Variants in LOC128706666 observed in about 807,000 individuals in gnomAD.
the LOC128706666 span, among the ~76,000 whole-genome samples, chr20:10,414,185 T>TTACA: frequency 6.6e-6 from 1 of 152,048 alleles, no homozygotes; most frequent in Admixed American, 6.6e-5. Flanking sequence ...GCTAGAAAGC[T>TTACA]TACAGCACAG....
At chr20:10,422,726 T>TG in the LOC128706666 span, among the ~76,000 whole-genome samples, 1 of 151,810 alleles carries the variant, frequency 6.6e-6, no homozygotes, top group African/African-American at 2.4e-5. Flanking sequence ...TTTTTTTTTT[T>TG]TGTGAGACAG....
At chr20:10,427,455 T>C in the LOC128706666 span, among the ~76,000 whole-genome samples, 11 of 152,382 alleles carry the variant, frequency 7.2e-5, no homozygotes, top group Admixed American at 7.2e-4. Context: ...GCTCTTGTGA[T>C]AATGAAACTT....
the LOC128706666 span, among the ~76,000 whole-genome samples, chr20:10,429,490 C>T: frequency 6.6e-6 from 1 of 152,162 alleles, no homozygotes; most frequent in Non-Finnish European, 1.5e-5. Flanking sequence ...TACTGTACAC[C>T]TTTGAACTAA....
the LOC128706666 span, among the ~76,000 whole-genome samples, chr20:10,416,330 G>C: frequency 6.6e-6 from 1 of 152,086 alleles, no homozygotes; most frequent in Non-Finnish European, 1.5e-5. Context: ...TAGGTATGAG[G>C]TAAGAAATAC....
At chr20:10,413,990 C>T in the LOC128706666 span, 1 of 397,118 alleles carries the variant, frequency 2.5e-6, no homozygotes. Flanking sequence ...TTGTAGACTG[C>T]AGTTTAATAA....
chr20:10,432,687 C>T, the LOC128706666 span, among the ~76,000 whole-genome samples: 34 of 148,934 alleles, frequency 2.3e-4, no homozygotes, highest in African/African-American at 8.1e-4. Context: ...CCAAACTTCT[C>T]CGGAGGCTAA....
the LOC128706666 span, among the ~76,000 whole-genome samples, chr20:10,432,172 C>T: frequency 6.6e-6 from 1 of 152,214 alleles, no homozygotes; most frequent in African/African-American, 2.4e-5. Context: ...AAAAGCCTGG[C>T]CCTTCTCTTC....
the LOC128706666 span, among the ~76,000 whole-genome samples, chr20:10,433,070 C>A: frequency 3.9e-5 from 6 of 152,214 alleles, no homozygotes; most frequent in South Asian, 2.1e-4. Flanking sequence ...GTGGCGTGAT[C>A]TCCGCTCACC....
the LOC128706666 span, among the ~76,000 whole-genome samples, chr20:10,430,427 CTG>C: frequency 4.7e-5 from 2 of 42,986 alleles, no homozygotes; most frequent in South Asian, 1.6e-3. Context: ...GGCACTTTGT[CTG>C]GGCTCAGTAA....
At chr20:10,420,044 T>C in the LOC128706666 span, among the ~76,000 whole-genome samples, 19 of 152,196 alleles carry the variant, frequency 1.2e-4, no homozygotes, top group African/African-American at 4.3e-4. Flanking sequence ...TTTGGAATTA[T>C]GGATAAGGGA....
the LOC128706666 span, among the ~76,000 whole-genome samples, chr20:10,431,137 GTA>G: frequency 6.6e-6 from 1 of 152,102 alleles, no homozygotes; most frequent in Non-Finnish European, 1.5e-5. Context: ...TTTATTGGGA[GTA>G]TATTATCTTA....
the LOC128706666 span, among the ~76,000 whole-genome samples, chr20:10,418,987 T>C: frequency 6.6e-6 from 1 of 152,168 alleles, no homozygotes; most frequent in East Asian, 1.9e-4. Context: ...CTGGCTTTTA[T>C]ATTTAATAAT....
At chr20:10,417,829 C>A in the LOC128706666 span, among the ~76,000 whole-genome samples, 204 of 151,600 alleles carry the variant, frequency 1.3e-3, no homozygotes, top group African/African-American at 4.6e-3. Flanking sequence ...GATATAATTA[C>A]GAGATTACAG....
At chr20:10,428,915 A>C in the LOC128706666 span, among the ~76,000 whole-genome samples, 14 of 152,184 alleles carry the variant, frequency 9.2e-5, no homozygotes, top group Non-Finnish European at 1.9e-4. Context: ...CCTGTGTTCC[A>C]GTCCCACTTT....
chr20:10,428,301 GC>G, the LOC128706666 span, among the ~76,000 whole-genome samples: 1 of 152,186 alleles, frequency 6.6e-6, no homozygotes, highest in African/African-American at 2.4e-5. Context: ...CATGCAGATA[GC>G]CAGATTGTTC....
At chr20:10,417,286 G>A in the LOC128706666 span, among the ~76,000 whole-genome samples, 1 of 151,704 alleles carries the variant, frequency 6.6e-6, no homozygotes, top group East Asian at 1.9e-4. Flanking sequence ...ACTTTATAAT[G>A]GAAAGAAACA....
the LOC128706666 span, chr20:10,413,991 A>T: frequency 2.5e-6 from 1 of 397,536 alleles, no homozygotes. Flanking sequence ...TGTAGACTGC[A>T]GTTTAATAAT....
the LOC128706666 span, among the ~76,000 whole-genome samples, chr20:10,423,688 A>T: frequency 6.6e-6 from 1 of 152,340 alleles, no homozygotes; most frequent in African/African-American, 2.4e-5. Flanking sequence ...TCTCCCAGTT[A>T]AAGATAAAAG....
chr20:10,422,349 C>G, the LOC128706666 span, among the ~76,000 whole-genome samples: 2 of 152,078 alleles, frequency 1.3e-5, no homozygotes, highest in Admixed American at 1.3e-4. Flanking sequence ...AGAGAATACA[C>G]CTTTTATTGA....
Sources: allele counts gnomAD v4.1 joint callset (sites outside exome capture counted in the v4.1 genomes callset), GRCh38; gene constraint gnomAD v4.1.1; transcripts MANE v1.5.